BCAP29: variants seen among roughly 807,000 people sequenced by gnomAD.
BCAP29 encodes the protein B cell receptor associated protein 29.
In BCAP29, 34 loss-of-function variants were observed where a neutral mutation model predicts 31.8. That is an observed-to-expected ratio of 1.07 (90% CI 0.81 to 1.42). The LOEUF is 1.42. Ranked by LOEUF, BCAP29 falls within the 40% of genes most tolerant of loss-of-function variation. The pLI is 0.00. For synonymous variants in BCAP29, 104 were observed against 91.3 expected (o/e 1.14, Z -0.79); for missense variants, 314 against 269.2 (o/e 1.17, Z -1.16).
chr7:107,622,926 A>G (rs1429207228), downstream of BCAP29: 3 of 152,114 alleles, frequency 2.0e-5, no homozygotes, highest in Non-Finnish European at 2.9e-5. Context: ...GTGTTAATAC[A>G]TGCTCCAGTT....
intron 6 of BCAP29, among the ~76,000 whole-genome samples, chr7:107,606,431 C>A (rs1456040375): frequency 6.6e-6 from 1 of 152,064 alleles, no homozygotes; most frequent in Non-Finnish European, 1.5e-5. Context: ...CAGTAACTTC[C>A]CTTTCTCCAA....
intron 6 of BCAP29, among the ~76,000 whole-genome samples, chr7:107,612,441 T>TATATATA (rs1554480161): frequency 1.1e-5 from 1 of 94,214 alleles, no homozygotes; most frequent in Non-Finnish European, 2.3e-5. Context: ...ATATATATAT[T>TATATATA]TATTTTACTT....
intron 2 of BCAP29, among the ~76,000 whole-genome samples, chr7:107,582,762 A>G (rs1292883948): frequency 3.3e-5 from 5 of 152,296 alleles, no homozygotes; most frequent in African/African-American, 1.2e-4. Context: ...GATCTCTTAC[A>G]TTCCCTTTTA....
intron 3 of BCAP29, among the ~76,000 whole-genome samples, chr7:107,593,346 A>G (rs1275631700): frequency 6.6e-6 from 1 of 152,224 alleles, no homozygotes; most frequent in Non-Finnish European, 1.5e-5. Flanking sequence ...GTTCCCCTGC[A>G]TCTGAGACTT....
At chr7:107,584,366 G>C (rs1807242503) in intron 3 of BCAP29, among the ~76,000 whole-genome samples, 1 of 152,162 alleles carries the variant, frequency 6.6e-6, no homozygotes, top group Non-Finnish European at 1.5e-5. Flanking sequence ...AGAATCATTA[G>C]GCTCTCCAAA....
intron 3 of BCAP29, among the ~76,000 whole-genome samples, chr7:107,590,499 A>G (rs1158533292): frequency 2.0e-5 from 3 of 152,176 alleles, no homozygotes; most frequent in African/African-American, 7.2e-5. Context: ...AAATATCCTT[A>G]TTTGCAGATG....
chr7:107,606,695 G>A (rs1451100734), intron 6 of BCAP29, among the ~76,000 whole-genome samples: 1 of 152,192 alleles, frequency 6.6e-6, no homozygotes, highest in East Asian at 1.9e-4. Flanking sequence ...GAGCGTGGCT[G>A]TTTGTTTAGA....
intron 5 of BCAP29, among the ~76,000 whole-genome samples, chr7:107,597,111 A>G (rs1810004643): frequency 1.3e-5 from 2 of 152,342 alleles, no homozygotes; most frequent in Non-Finnish European, 2.9e-5. Context: ...TAATTGACCA[A>G]TAAAGTGACC....
chr7:107,595,999 A>G lies in BCAP29; in HGVS notation c.477A>G (p.Lys159=). 1 of 1,564,462 alleles carries G rather than the reference A, an allele frequency of 6.4e-7. No homozygotes were observed. The highest frequency in any genetic ancestry group is 8.6e-7 in the Non-Finnish European group (1 of 1,162,112). ...KKFMEENEKL[K]RILKSHGKDE... ...TTATGGAAGAAAACGAAAAACTAAA[A>G]AGGGTATTTAATTTTCTTTGTAAAA... Residue 159 remains lysine, a synonymous_variant, in exon 5 of 8, where the codon AAA becomes AAG. Transcript: ENST00000005259.
chr7:107,582,036 C>A (rs763767268), intron 2 of BCAP29, among the ~76,000 whole-genome samples: 4 of 152,330 alleles, frequency 2.6e-5, no homozygotes, highest in Admixed American at 1.3e-4. Context: ...TGCTGCCTCT[C>A]ATCCTGTAGG....
At chr7:107,587,941 G>C (rs1363053771) in intron 3 of BCAP29, 2 of 152,006 alleles carry the variant, frequency 1.3e-5, no homozygotes, top group Non-Finnish European at 2.9e-5. Context: ...TACAGAGCTA[G>C]AAAAAAGCAA....
downstream of BCAP29, chr7:107,621,786 A>G (rs1345012663): frequency 2.1e-6 from 1 of 479,758 alleles, no homozygotes. Flanking sequence ...TTCCAGCAGG[A>G]GCATGGCCCT....
At chr7:107,602,432 A>G (rs1374082791) in intron 6 of BCAP29, among the ~76,000 whole-genome samples, 1 of 152,196 alleles carries the variant, frequency 6.6e-6, no homozygotes, top group African/African-American at 2.4e-5. Flanking sequence ...ATTCAGTGGT[A>G]CAATGCTTTG....
chr7:107,610,706 C>T (rs140597851), intron 6 of BCAP29, among the ~76,000 whole-genome samples: 266 of 152,202 alleles, frequency 1.7e-3, no homozygotes, highest in African/African-American at 6.0e-3. Flanking sequence ...GCATTTGTTC[C>T]GTTAATAACT....
chr7:107,594,268 A>G, intron 4 of BCAP29, 163 bp downstream of exon 4: 2 of 614,584 alleles, frequency 3.3e-6, no homozygotes, highest in East Asian at 5.6e-5. Context: ...AGCTCACTGT[A>G]ACTTCAAACT....
chr7:107,589,224 A>G (rs1459742053), intron 3 of BCAP29, among the ~76,000 whole-genome samples: 1 of 152,186 alleles, frequency 6.6e-6, no homozygotes, highest in African/African-American at 2.4e-5. Context: ...CATATGCAGG[A>G]GCAGGGGATG....
At chr7:107,593,283 C>T (rs1019811180) in intron 3 of BCAP29, among the ~76,000 whole-genome samples, 2 of 152,116 alleles carry the variant, frequency 1.3e-5, no homozygotes, top group Non-Finnish European at 2.9e-5. Context: ...ACTAAGAATG[C>T]ACTCAATGTA....
chr7:107,590,794 G>C (rs1339372801), intron 3 of BCAP29, among the ~76,000 whole-genome samples: 1 of 150,954 alleles, frequency 6.6e-6, no homozygotes, highest in East Asian at 1.9e-4. Context: ...ACTCCAGCCT[G>C]GGTGACAAAG....
chr7:107,590,853 G>T lies in BCAP29; in HGVS notation c.194-3102G>T, dbSNP rs189228260. ...AAAAAAAAAGAAAGAAAGAAAGAAAGAAATAATCCTAAAGTATCTACAAGA... is the reference window on the plus strand; with the variant it reads ...AAAAAAAAAGAAAGAAAGAAAGAAATAAATAATCCTAAAGTATCTACAAGA... On this transcript the variant is annotated intron_variant, in intron 3 of 7. Coordinates refer to ENST00000005259, the MANE Select transcript of BCAP29 (RefSeq NM_018844.4). 1.6e-4 allele frequency among the ~76,000 whole-genome samples: 24 copies of T among 150,484 alleles called. No individual in the cohort carries two copies. The South Asian group carries it at 2.7e-3, about 17-fold the overall frequency.
Sources: allele counts gnomAD v4.1 joint callset (sites outside exome capture counted in the v4.1 genomes callset), GRCh38; gene constraint gnomAD v4.1.1; transcripts MANE v1.5; gene names NCBI Gene and HGNC (gene_info 2026-07-23, HGNC 2026-07-21).